Variants in CCDC171 observed in about 807,000 individuals in gnomAD.
CCDC171 encodes the protein coiled-coil domain containing 171, also known as coiled-coil domain-containing protein 171.
CCDC171 carries 177 observed loss-of-function variants against 168.2 expected under a neutral mutation model. The observed-to-expected ratio is 1.05, with a 90% CI of 0.93 to 1.19. The LOEUF (loss-of-function observed/expected upper bound fraction) is 1.19, where lower values mean the gene tolerates loss of function less well. Ranked by LOEUF, CCDC171 falls within the 50% of genes most tolerant of loss-of-function variation. The pLI is 0.00. For missense variants in CCDC171, 1,991 were observed against 1,539.0 expected, an observed-to-expected ratio of 1.29 and a Z score of -4.91; for synonymous variants, 687 against 540.8, an observed-to-expected ratio of 1.27 and a Z score of -3.75.
At chr9:15,708,579 C>T (rs756565175) in intron 11 of CCDC171, among the ~76,000 whole-genome samples, 11 of 152,086 alleles carry the variant, frequency 7.2e-5, no homozygotes, top group Admixed American at 2.0e-4. Flanking sequence ...ATACCATCTC[C>T]GTGTAACTCC....
chr9:15,616,973 T>C (rs2044127631), intron 6 of CCDC171, among the ~76,000 whole-genome samples: 2 of 152,172 alleles, frequency 1.3e-5, no homozygotes, highest in Admixed American at 6.5e-5. Flanking sequence ...TCTGCTCGGC[T>C]TCTGGGGAGG....
At chr9:16,028,209 G>T (rs1313468104) in intron 6 of CCDC171, among the ~76,000 whole-genome samples, 4 of 152,170 alleles carry the variant, frequency 2.6e-5, no homozygotes, top group African/African-American at 9.7e-5. Flanking sequence ...ACCAGACACT[G>T]AGGTCCAATC....
intron 13 of CCDC171, 140 bp from the exon 14 acceptor site, chr9:15,724,636 A>G: frequency 1.7e-6 from 1 of 593,084 alleles, no homozygotes; most frequent in Non-Finnish European, 3.1e-6. Flanking sequence ...AAATATTTTA[A>G]TGTAAACAAA....
At chr9:15,582,757 G>C (rs2041233133) in intron 4 of CCDC171, among the ~76,000 whole-genome samples, 1 of 151,028 alleles carries the variant, frequency 6.6e-6, no homozygotes. Flanking sequence ...ACAGGGAGGG[G>C]AACATCACAC....
chr9:15,619,536 G>A (rs80328039), intron 6 of CCDC171, among the ~76,000 whole-genome samples: 54 of 152,278 alleles, frequency 3.5e-4, no homozygotes, highest in East Asian at 2.5e-3. Flanking sequence ...AGAGAGGTGA[G>A]GAATTTGGAG....
At chr9:15,957,122 T>C (rs368602649) in intron 25 of CCDC171, among the ~76,000 whole-genome samples, 1 of 151,654 alleles carries the variant, frequency 6.6e-6, no homozygotes, top group Admixed American at 6.6e-5. Context: ...ACTGTAGCCA[T>C]ACTAGTTCTG....
intron 21 of CCDC171, among the ~76,000 whole-genome samples, chr9:15,834,636 G>T (rs2060365027): frequency 6.6e-6 from 1 of 152,138 alleles, no homozygotes; most frequent in South Asian, 2.1e-4. Context: ...TATTTTCTAT[G>T]TTTTAGTTCA....
At chr9:15,669,490 TTTTTAGTTA>T (rs1293272527) in intron 9 of CCDC171, among the ~76,000 whole-genome samples, 1 of 152,136 alleles carries the variant, frequency 6.6e-6, no homozygotes, top group African/African-American at 2.4e-5. Context: ...CAATTCCACT[TTTTTAGTTA>T]TTTTGAAATA....
intron 6 of CCDC171, among the ~76,000 whole-genome samples, chr9:15,615,819 C>T (rs1047429906): frequency 6.6e-6 from 1 of 151,518 alleles, no homozygotes; most frequent in Non-Finnish European, 1.5e-5. Flanking sequence ...CACTCTGTCA[C>T]CCAGGCTGGA....
chr9:16,041,135 A>T (rs1338661669), upstream of CCDC171, among the ~76,000 whole-genome samples: 3 of 152,232 alleles, frequency 2.0e-5, no homozygotes, highest in East Asian at 5.8e-4. Flanking sequence ...AAAGTAGCAG[A>T]AGGCAGCACT....
intron 3 of CCDC171, among the ~76,000 whole-genome samples, chr9:15,986,205 A>G (rs1360134536): frequency 2.6e-5 from 4 of 152,254 alleles, no homozygotes; most frequent in African/African-American, 9.6e-5. Context: ...CTGATAGGCA[A>G]AAGGTAAAGT....
rs192466692 is a variant in CCDC171, at chr9:15,588,094, G to A, written c.353-3272G>A. The stretch of plus-strand genomic sequence containing the variant: ...TACTAAAAATACAAAAATTAGCCAG[G>A]CGTGGTGGCAAGTGCCTGTAATCCC... On this transcript the variant is annotated intron_variant, in intron 4 of 25. Coordinates refer to ENST00000380701, the MANE Select transcript of CCDC171 (RefSeq NM_173550.4). Among the ~76,000 whole-genome samples the A allele has an allele frequency of 4.7e-4, 72 of 152,224 alleles. 1 individual carries two copies. Among genetic ancestry groups the A allele is most frequent in the African/African-American group, 1.6e-3 (68 of 41,532 alleles).
intron 18 of CCDC171, among the ~76,000 whole-genome samples, chr9:15,752,779 T>C (rs1423162390): frequency 6.6e-6 from 1 of 151,938 alleles, no homozygotes; most frequent in Non-Finnish European, 1.5e-5. Flanking sequence ...TTAGGAGAAA[T>C]ACCTAATGTA....
intron 4 of CCDC171, among the ~76,000 whole-genome samples, chr9:15,590,756 C>CTTCT (rs1295760148): frequency 1.0e-3 from 127 of 122,468 alleles, no homozygotes; most frequent in South Asian, 1.8e-3. Context: ...AGATTTTTTT[C>CTTCT]TTCTTTCTTT....
chr9:15,946,911 G>A (rs1203502678), intron 25 of CCDC171, among the ~76,000 whole-genome samples: 1 of 151,966 alleles, frequency 6.6e-6, no homozygotes, highest in African/African-American at 2.4e-5. Flanking sequence ...CGGGGAGATA[G>A]CACTTTTATA....
At chr9:15,784,069 T>G (rs1171375488) in intron 20 of CCDC171, among the ~76,000 whole-genome samples, 1 of 152,050 alleles carries the variant, frequency 6.6e-6, no homozygotes, top group East Asian at 1.9e-4. Flanking sequence ...GTTGGAGAGG[T>G]GTAGTCATGT....
At chr9:15,795,045 T>C (rs547059513) in intron 21 of CCDC171, among the ~76,000 whole-genome samples, 2 of 152,202 alleles carry the variant, frequency 1.3e-5, no homozygotes, top group Non-Finnish European at 2.9e-5. Context: ...TATGACAAAA[T>C]AGCACAGATG....
intron 8 of CCDC171, among the ~76,000 whole-genome samples, chr9:15,657,824 C>G (rs1024423979): frequency 1.2e-4 from 19 of 152,078 alleles, no homozygotes; most frequent in African/African-American, 3.9e-4. Flanking sequence ...ATGGAGGCCT[C>G]CTAAGGAAAT....
At chr9:15,791,119 T>C (rs1184975954) in intron 21 of CCDC171, among the ~76,000 whole-genome samples, 1 of 152,200 alleles carries the variant, frequency 6.6e-6, no homozygotes, top group Non-Finnish European at 1.5e-5. Context: ...AGTAGTTTTT[T>C]CCAATTCTGT....
Sources: gnomAD v4.1 joint callset for allele counts (sites outside exome capture counted in the v4.1 genomes callset) on GRCh38, gnomAD v4.1.1 for gene constraint, MANE v1.5 for transcripts, NCBI Gene and HGNC (gene_info 2026-07-23, HGNC 2026-07-21) for gene names.